Variants in ZBTB16 observed in about 807,000 individuals in gnomAD.
ZBTB16 encodes zinc finger and BTB domain containing 16.
A neutral mutation model predicts 56.8 loss-of-function variants in ZBTB16; 8 were observed. That is an observed-to-expected ratio of 0.14 (90% CI 0.08 to 0.25). The LOEUF (loss-of-function observed/expected upper bound fraction) is 0.25. Among genes scored for constraint, ZBTB16 ranks in the 10% least tolerant of loss-of-function variants. The pLI is 1.00. For synonymous variants in ZBTB16, 363 were observed against 368.5 expected (o/e 0.98, Z 0.17); for missense variants, 625 against 903.0 (o/e 0.69, Z 3.95).
intron 2 of ZBTB16, among the ~76,000 whole-genome samples, chr11:114,084,350 C>G (rs56810856): frequency 0.015 from 2,352 of 152,242 alleles, 61 homozygotes; most frequent in African/African-American, 0.054. Context: ...GAGGCGGTGG[C>G]TTACATTGAT....
At chr11:114,151,222 A>G (rs1014866897) in intron 2 of ZBTB16, among the ~76,000 whole-genome samples, 7 of 152,130 alleles carry the variant, frequency 4.6e-5, no homozygotes, top group African/African-American at 1.7e-4. Flanking sequence ...TGGTCATAGA[A>G]TCAGAAAGCA....
chr11:114,248,756 G>A (rs1366603587), intron 6 of ZBTB16, among the ~76,000 whole-genome samples: 2 of 152,182 alleles, frequency 1.3e-5, no homozygotes, highest in Non-Finnish European at 2.9e-5. Flanking sequence ...TTGGGTGTCC[G>A]TTGATGACAA....
chr11:114,120,612 G>A (rs905134271), intron 2 of ZBTB16, among the ~76,000 whole-genome samples: 9 of 152,196 alleles, frequency 5.9e-5, no homozygotes, highest in African/African-American at 2.2e-4. Context: ...CTCTGTCCCT[G>A]CTCCACACTC....
At chr11:114,244,986 G>T (rs1194731865) in intron 5 of ZBTB16, among the ~76,000 whole-genome samples, 1 of 152,190 alleles carries the variant, frequency 6.6e-6, no homozygotes, top group African/African-American at 2.4e-5. Context: ...CTGAATCTTT[G>T]ATTAAAGTCG....
chr11:114,116,989 G>A (rs1941192494), intron 2 of ZBTB16, among the ~76,000 whole-genome samples: 1 of 152,176 alleles, frequency 6.6e-6, no homozygotes, highest in Non-Finnish European at 1.5e-5. Flanking sequence ...AGAGGAAATG[G>A]AGGTGAAGCA....
Position 114,064,274 on chromosome 11 carries a change from C to A in ZBTB16, c.974C>A (p.Pro325His), listed in dbSNP as rs1053126094. ...APTGRPEHPAPPPEKHLGIYS... is the reference protein window; with the variant it reads ...APTGRPEHPAHPPEKHLGIYS... ...ACTGGCCGACCTGAGCACCCAGCAC[C>A]CCCGCCTGAGAAGCATCTGGGCATC... The change falls in exon 2 of 7, where the codon CCC (proline) becomes CAC (histidine). Residue 325 changes from proline to histidine, a missense_variant. Physicochemically the swap from Pro to His is moderately conservative, Grantham distance 77. This residue lies in a region of ZBTB16 where 384 missense variants were observed against 393.5 expected (regional missense o/e 0.98). Transcript: ENST00000335953. The surrounding 1 kb of genome is among the most constrained non-coding windows in gnomAD (Gnocchi z 4.2). 6.2e-7 allele frequency: 1 copy of A among 1,613,992 alleles called. No homozygotes were observed. The highest frequency in any genetic ancestry group is 1.3e-5 in the African/African-American group (1 of 74,932).
intron 2 of ZBTB16, among the ~76,000 whole-genome samples, chr11:114,113,081 CT>C (rs1941071895): frequency 6.6e-6 from 1 of 152,196 alleles, no homozygotes; most frequent in Non-Finnish European, 1.5e-5. Flanking sequence ...AGCCCACACA[CT>C]TCATTTTTAT....
intron 2 of ZBTB16, among the ~76,000 whole-genome samples, chr11:114,142,034 C>CAGGAAA (rs1941962528): frequency 6.6e-6 from 1 of 152,184 alleles, no homozygotes; most frequent in Non-Finnish European, 1.5e-5. Context: ...ATGTTATGCT[C>CAGGAAA]TTGGCTTGTG....
chr11:114,148,863 GGTGTGT>G (rs35071911), intron 2 of ZBTB16, among the ~76,000 whole-genome samples: 376 of 143,956 alleles, frequency 2.6e-3, no homozygotes, highest in Middle Eastern at 7.0e-3. Context: ...GTTTTTTACT[GGTGTGT>G]GTGTGTGTGT....
intron 2 of ZBTB16, among the ~76,000 whole-genome samples, chr11:114,151,776 G>C (rs1942284354): frequency 6.6e-6 from 1 of 152,158 alleles, no homozygotes; most frequent in South Asian, 2.1e-4. Flanking sequence ...TCCCCCCTTG[G>C]TCCCTGGCTG....
chr11:114,187,907 A>G, intron 4 of ZBTB16: 1 of 156,486 alleles, frequency 6.4e-6, no homozygotes, highest in Non-Finnish European at 1.4e-5. Context: ...CATGCAAGGG[A>G]TCAAGGTTGC....
At chr11:114,138,725 C>A (rs1039461139) in intron 2 of ZBTB16, among the ~76,000 whole-genome samples, 1 of 151,670 alleles carries the variant, frequency 6.6e-6, no homozygotes, top group South Asian at 2.1e-4. Context: ...GAGTCTTGCT[C>A]GGTTGCCCAG....
chr11:114,159,983 A>C (rs1942540826), intron 3 of ZBTB16, among the ~76,000 whole-genome samples: 1 of 143,668 alleles, frequency 7.0e-6, no homozygotes, highest in South Asian at 2.2e-4. Context: ...GGCTGTGGAG[A>C]AGTGAGTCCA....
chr11:114,212,285 G>T (rs904708545), intron 4 of ZBTB16, among the ~76,000 whole-genome samples: 1 of 151,990 alleles, frequency 6.6e-6, no homozygotes, highest in Non-Finnish European at 1.5e-5. Flanking sequence ...AGATACTTTT[G>T]TGTCCCAAGA....
chr11:114,249,370 A>G (rs1944874625), intron 6 of ZBTB16, among the ~76,000 whole-genome samples: 1 of 149,580 alleles, frequency 6.7e-6, no homozygotes, highest in African/African-American at 2.5e-5. Flanking sequence ...AGGCAGGACA[A>G]TCACTTGAAC....
At chr11:114,150,926 A>T (rs1169739259) in intron 2 of ZBTB16, among the ~76,000 whole-genome samples, 1 of 152,228 alleles carries the variant, frequency 6.6e-6, no homozygotes, top group Non-Finnish European at 1.5e-5. Context: ...CCAACTGCCC[A>T]GGTCCTGCTC....
chr11:114,252,874 T>C lies in ZBTB16; in HGVS notation c.*2319T>C, dbSNP rs1461275528. 2.0e-5 allele frequency among the ~76,000 whole-genome samples: 3 copies of C among 152,026 alleles called. No homozygotes were observed. The highest frequency in any genetic ancestry group is 7.3e-5 in the African/African-American group (3 of 41,370). On this transcript the variant is annotated 3_prime_UTR_variant, in exon 7 of 7. Coordinates refer to ENST00000335953, the MANE Select transcript of ZBTB16 (RefSeq NM_006006.6). ...AAATTGTGTGTTGGGAGGATGTGAATTGGGAGGACGGTGTCACTAGACTGT... is the reference window on the plus strand; with the variant it reads ...AAATTGTGTGTTGGGAGGATGTGAACTGGGAGGACGGTGTCACTAGACTGT...
chr11:114,084,182 A>G (rs1465995757), intron 2 of ZBTB16, among the ~76,000 whole-genome samples: 1 of 151,558 alleles, frequency 6.6e-6, no homozygotes, highest in African/African-American at 2.4e-5. Context: ...ATTTTATTTT[A>G]TTTATTTCAT....
chr11:114,091,387 G>A (rs553140003), intron 2 of ZBTB16, among the ~76,000 whole-genome samples: 4 of 151,734 alleles, frequency 2.6e-5, no homozygotes, highest in Non-Finnish European at 5.9e-5. Flanking sequence ...ATGTTTTCCT[G>A]TCTTTCCCTT....
Sources: gnomAD v4.1 joint callset for allele counts (sites outside exome capture counted in the v4.1 genomes callset) on GRCh38, gnomAD v4.1.1 for gene constraint, gnomAD v4.1.1 regional missense constraint, Gnocchi (gnomAD v3.1) non-coding constraint, MANE v1.5 for transcripts, NCBI Gene and HGNC (gene_info 2026-07-23, HGNC 2026-07-21) for gene names.